Variants in ANKRD50 observed in about 807,000 individuals in gnomAD.
ANKRD50 encodes the protein ankyrin repeat domain 50.
ANKRD50 carries 40 observed loss-of-function variants against 112.0 expected under a neutral mutation model. The observed-to-expected ratio is 0.36, with a 90% CI of 0.28 to 0.46. The LOEUF is 0.46. Among genes scored for constraint, ANKRD50 ranks in the 20% least tolerant of loss-of-function variants. ANKRD50 has a pLI of 1.00. For missense variants in ANKRD50, 1,487 were observed against 1,701.7 expected (o/e 0.87, Z 2.22); for synonymous variants, 613 against 619.1 (o/e 0.99, Z 0.15).
chr4:124,692,891 T>A (rs1560827921), intron 2 of ANKRD50, among the ~76,000 whole-genome samples: 1 of 152,198 alleles, frequency 6.6e-6, no homozygotes, highest in Non-Finnish European at 1.5e-5. Flanking sequence ...GCCTAGAGTA[T>A]GTAGAAGCAC....
intron 3 of ANKRD50, among the ~76,000 whole-genome samples, chr4:124,675,971 C>T (rs1174703466): frequency 6.6e-6 from 1 of 151,676 alleles, no homozygotes; most frequent in Non-Finnish European, 1.5e-5. Flanking sequence ...GCTTAATCCT[C>T]AGATATGAGT....
intron 2 of ANKRD50, 74 bp from the exon 3 acceptor site, chr4:124,678,979 G>C (rs1303950444): frequency 9.3e-7 from 1 of 1,072,386 alleles, no homozygotes; most frequent in African/African-American, 1.6e-5. Context: ...TCAAACATTA[G>C]AGTATTAATT....
chr4:124,671,899 T>G lies in ANKRD50; in HGVS notation c.1378A>C (p.Ile460Leu). The G allele has an allele frequency of 6.2e-7, 1 of 1,613,892 alleles. No homozygotes were observed. Among genetic ancestry groups the G allele is most frequent in the Non-Finnish European group, 8.5e-7 (1 of 1,179,878 alleles). Residue 460 changes from isoleucine (I) to leucine (L), a missense_variant, in exon 4 of 5, where the codon ATT becomes CTT. Physicochemically the swap from Ile to Leu is conservative, Grantham distance 5. Transcript: ENST00000504087. ...LEAQEFALHL[I>L]NSNLQLETAE... ...GTCTCTAATTGTAAGTTTGAGTTAA[T>G]TAAGTGCAATGCAAATTCTTGTGCT...
chr4:124,667,756 TATC>T (rs1323888665), intron 4 of ANKRD50, among the ~76,000 whole-genome samples: 1 of 151,998 alleles, frequency 6.6e-6, no homozygotes, highest in Non-Finnish European at 1.5e-5. Context: ...TTAAAACAGA[TATC>T]ATGAGAGTTG....
chr4:124,670,319 A>G lies in ANKRD50; in HGVS notation c.2958T>C (p.Ser986=), dbSNP rs1730608945. Residue 986 remains serine, a synonymous_variant, in exon 4 of 5, where the codon TCT becomes TCC. Coordinates refer to ENST00000504087, the MANE Select transcript of ANKRD50 (RefSeq NM_020337.3). ...CCATTTCCATATGGCCTTGCCAACA[A>G]GACACATGAAGTGCTGTCCTTCCTT... ...DAEGRTALHV[S]CWQGHMEMVQ... is the part of the protein sequence containing the mutation. 5 of 1,613,852 alleles carry G rather than the reference A, an allele frequency of 3.1e-6. No homozygotes were observed. The highest frequency in any genetic ancestry group is 3.3e-5 in the Admixed American group (2 of 59,962).
chr4:124,674,613 G>T (rs1177077096), intron 3 of ANKRD50, among the ~76,000 whole-genome samples: 1 of 151,860 alleles, frequency 6.6e-6, no homozygotes, highest in Non-Finnish European at 1.5e-5. Flanking sequence ...TTTGAAGTTT[G>T]CTCTTTTCAT....
intron 2 of ANKRD50, among the ~76,000 whole-genome samples, chr4:124,706,683 T>C (rs542944801): frequency 2.0e-5 from 3 of 152,086 alleles, no homozygotes; most frequent in African/African-American, 7.2e-5. Flanking sequence ...CGGATGCTCC[T>C]TAACCTATGA....
At position 124,678,716 on chromosome 4, in the gene ANKRD50, A is replaced by C. The variant is rs1395711354; in HGVS notation, c.702T>G (p.Ser234=). The C allele has an allele frequency of 6.2e-7, 1 of 1,613,892 alleles. No homozygotes were observed. Among genetic ancestry groups the C allele is most frequent in the Admixed American group, 1.7e-5 (1 of 60,016 alleles). Residue 234 remains serine (S), a synonymous_variant, in exon 3 of 5, where the codon TCT becomes TCG. Transcript: ENST00000504087. ...TAACAGCCTTACTCTGCTTTCGGGC[A>C]GAACAGAGAAGCAATAGCCATGGTG... ...FFPPWLLLLC[S]ARKQSKAVTK... is the part of the protein sequence containing the mutation.
rs1005927100 is a variant in ANKRD50, at chr4:124,710,830, T to C, written c.-319A>G. ...ACTGGAGTTTATGTGATTGTGGATG[T>C]TTCAAGAACAGAGATGAGACAATAC... On this transcript the variant is annotated 5_prime_UTR_variant, in exon 2 of 5. Transcript: ENST00000504087. The C allele has an allele frequency of 3.0e-5, 13 of 435,892 alleles. No homozygotes were observed. The highest frequency in any genetic ancestry group is 1.6e-4 in the East Asian group (5 of 31,614). 27.0% of individuals were successfully genotyped at this position (435,892 alleles called of 1,614,324 possible).
In ANKRD50 at chr4:124,670,595, A is replaced by G. The variant is rs535683023; in HGVS notation, c.2682T>C (p.Asp894=). The G allele has an allele frequency of 1.2e-5, 19 of 1,613,416 alleles. 1 individual carries two copies. The East Asian group carries it at 1.6e-4, about 13-fold the overall frequency. Residue 894 remains aspartate (D), a synonymous_variant, in exon 4 of 5, where the codon GAT becomes GAC. Coordinates refer to ENST00000504087, the MANE Select transcript of ANKRD50 (RefSeq NM_020337.3). ...FILASQEGHY[D]CVQILLENKS... ...TGTTTTCCAGTAATATTTGAACACA[A>G]TCATAATGACCCTCTTGTGAAGCTA...
At chr4:124,699,044 A>C (rs575551073) in intron 2 of ANKRD50, among the ~76,000 whole-genome samples, 26 of 152,278 alleles carry the variant, frequency 1.7e-4, no homozygotes, top group Admixed American at 1.4e-3. Flanking sequence ...ACAAAACTAG[A>C]GTTTGTAACA....
chr4:124,696,914 A>G (rs1267997367), intron 2 of ANKRD50, among the ~76,000 whole-genome samples: 1 of 152,196 alleles, frequency 6.6e-6, no homozygotes, highest in Admixed American at 6.5e-5. Context: ...CCCACATCCA[A>G]TATGTCATAT....
At chr4:124,692,630 T>G (rs1444211089) in intron 2 of ANKRD50, among the ~76,000 whole-genome samples, 4 of 152,118 alleles carry the variant, frequency 2.6e-5, no homozygotes, top group Non-Finnish European at 1.5e-5. Flanking sequence ...ATGAATGGTA[T>G]TAATGTTCTA....
chr4:124,704,351 A>C (rs1725458427), intron 2 of ANKRD50, among the ~76,000 whole-genome samples: 1 of 152,220 alleles, frequency 6.6e-6, no homozygotes, highest in African/African-American at 2.4e-5. Flanking sequence ...GGTAAGAAGG[A>C]GGCACACATT....
intron 2 of ANKRD50, among the ~76,000 whole-genome samples, chr4:124,689,203 C>A (rs1050480554): frequency 6.6e-6 from 1 of 152,174 alleles, no homozygotes; most frequent in Non-Finnish European, 1.5e-5. Context: ...CAGAACTTCA[C>A]ACAAAGTGGA....
chr4:124,670,345 C>G lies in ANKRD50; in HGVS notation c.2932G>C (p.Glu978Gln). 15 of 1,613,950 alleles carry G rather than the reference C, an allele frequency of 9.3e-6. No homozygotes were observed. Among genetic ancestry groups the G allele is most frequent in the Non-Finnish European group, 1.3e-5 (15 of 1,179,906 alleles). The change falls in exon 4 of 5, where the codon GAA becomes CAA. Residue 978 changes from glutamate to glutamine, a missense_variant. Around this residue, in one of 2 missense-constraint regions of ANKRD50, gnomAD observed 1,046 missense variants for 1,269.5 expected, o/e 0.82. Transcript: ENST00000504087. ...NGANVEASDA[E>Q]GRTALHVSCW... ...GACACATGAAGTGCTGTCCTTCCTT[C>G]AGCATCACTTGCTTCTACGTTTGCA...
intron 2 of ANKRD50, among the ~76,000 whole-genome samples, chr4:124,697,887 T>C (rs1560829717): frequency 1.3e-5 from 2 of 151,898 alleles, no homozygotes; most frequent in Non-Finnish European, 2.9e-5. Context: ...TTCTGCTGCG[T>C]TGAAGATTGA....
In ANKRD50 at chr4:124,710,129, C is replaced by T. The variant is rs1320533630; in HGVS notation, c.383G>A (p.Arg128Lys). 2 of 1,614,070 alleles carry T rather than the reference C, an allele frequency of 1.2e-6. No homozygotes were observed. Among genetic ancestry groups the T allele is most frequent in the Non-Finnish European group, 1.7e-6 (2 of 1,180,050 alleles). Reference protein sequence around the residue: ...SDTLCVGGFIRGLVAQICRSG... With the variant: ...SDTLCVGGFIKGLVAQICRSG... ...GCGGCAGATCTGGGCTACTAGACCT[C>T]TAATAAACCCTCCAACACACAAAGT... is the stretch of plus-strand genomic sequence containing the variant. The change falls in exon 2 of 5, where the codon AGA becomes AAA. Residue 128 changes from arginine to lysine, a missense_variant. Transcript: ENST00000504087.
intron 3 of ANKRD50, among the ~76,000 whole-genome samples, chr4:124,677,212 CA>C (rs774383051): frequency 6.6e-6 from 1 of 151,330 alleles, no homozygotes; most frequent in Non-Finnish European, 1.5e-5. Context: ...ATTAATATCC[CA>C]AAAAAAGAAG....
Sources: allele counts gnomAD v4.1 joint callset (sites outside exome capture counted in the v4.1 genomes callset), GRCh38; gene constraint gnomAD v4.1.1; regional missense constraint gnomAD v4.1.1; transcripts MANE v1.5; gene names NCBI Gene and HGNC (gene_info 2026-07-23, HGNC 2026-07-21).